The following C7 variants were observed in gnomAD, a reference collection of about 807,000 sequenced individuals.
C7 encodes complement component C7.
A neutral mutation model predicts 104.8 loss-of-function variants in C7; 83 were observed. That is an observed-to-expected ratio of 0.79 (90% CI 0.66 to 0.95). C7 has a LOEUF of 0.95. C7 is among the 40% of genes least tolerant of loss of function. The pLI is 0.00. For missense variants in C7, 1,070 were observed against 1,011.2 expected (o/e 1.06, Z -0.79); for synonymous variants, 415 against 360.6 (o/e 1.15, Z -1.71).
intron 15 of C7, among the ~76,000 whole-genome samples, chr5:40,974,396 T>C (rs1740768676): frequency 6.7e-6 from 1 of 149,692 alleles, no homozygotes; most frequent in African/African-American, 2.5e-5. Flanking sequence ...CGTTTTTTTT[T>C]TTTTCCACAA....
chr5:40,957,772 T>TTG (rs1011671905), intron 10 of C7, among the ~76,000 whole-genome samples: 4 of 106,790 alleles, frequency 3.7e-5, no homozygotes, highest in Admixed American at 1.0e-4. Flanking sequence ...TTTTTTGTTT[T>TTG]TTTTTTTTTT....
intron 4 of C7, 65 bp from the exon 5 acceptor site, chr5:40,936,273 G>A: frequency 6.7e-7 from 1 of 1,495,542 alleles, no homozygotes; most frequent in Non-Finnish European, 9.2e-7. Flanking sequence ...AACCCTTTTT[G>A]GTCCTGGGTA....
chr5:40,932,397 A>G (rs182585234), intron 3 of C7, among the ~76,000 whole-genome samples: 1 of 152,300 alleles, frequency 6.6e-6, no homozygotes, highest in Admixed American at 6.5e-5. Context: ...ATAGTCCTAG[A>G]AATAAAATGT....
At position 40,983,254 on chromosome 5, in the gene C7, T is replaced by C. The variant is rs1740988055; in HGVS notation, c.*1681T>C. On this transcript the variant is annotated 3_prime_UTR_variant, in exon 18 of 18. Coordinates refer to ENST00000313164, the MANE Select transcript of C7 (RefSeq NM_000587.4). ...TGAGACAAAAGGTTGAACAAGTAAT[T>C]CATTTGGAAGGAAATACCTCAGTAT... is the stretch of plus-strand genomic sequence containing the variant. Among the ~76,000 whole-genome samples the C allele has an allele frequency of 6.6e-6, 1 of 152,218 alleles. No individual in the cohort carries two copies. The highest frequency in any genetic ancestry group is 6.5e-5 in the Admixed American group (1 of 15,280).
intron 14 of C7, among the ~76,000 whole-genome samples, chr5:40,971,068 TAGA>T: frequency 6.6e-6 from 1 of 152,184 alleles, no homozygotes; most frequent in South Asian, 2.1e-4. Flanking sequence ...GTCTTTACAG[TAGA>T]ATGATTTATA....
chr5:40,930,503 G>A (rs1454893709), intron 2 of C7, among the ~76,000 whole-genome samples: 1 of 150,998 alleles, frequency 6.6e-6, no homozygotes, highest in Non-Finnish European at 1.5e-5. Flanking sequence ...ACCATACCCG[G>A]CCAATGACCT....
At position 40,945,238 on chromosome 5, in the gene C7, G is replaced by A; in HGVS notation, c.608G>A (p.Ser203Asn). 1.9e-6 allele frequency: 3 copies of A among 1,547,326 alleles called. No individual in the cohort carries two copies. Among genetic ancestry groups the A allele is most frequent in the Non-Finnish European group, 2.6e-6 (3 of 1,142,058 alleles). ...NNDFNYEFYN[S>N]TWSYVKHTST... ...GATTTTAATTATGAATTTTACAATA[G>A]TACTTGGTCTTATGTAAAACATACG... Residue 203 changes from serine to asparagine, a missense_variant, in exon 7 of 18, where the codon AGT becomes AAT. Coordinates refer to ENST00000313164, the MANE Select transcript of C7 (RefSeq NM_000587.4).
At chr5:40,977,767 G>A (rs1078376) in intron 16 of C7, among the ~76,000 whole-genome samples, 16,292 of 152,196 alleles carry the variant, frequency 0.11, 1,147 homozygotes, top group Non-Finnish European at 0.16. Flanking sequence ...AGGTGGAGAA[G>A]AGTGGAAAGT....
chr5:40,975,723 T>C (rs955848681), intron 15 of C7, among the ~76,000 whole-genome samples: 40 of 152,214 alleles, frequency 2.6e-4, no homozygotes, highest in Non-Finnish European at 5.4e-4. Flanking sequence ...GCAGGCATAC[T>C]TCACATTGCC....
intron 15 of C7, among the ~76,000 whole-genome samples, chr5:40,975,187 T>A (rs563130751): frequency 2.0e-5 from 3 of 152,238 alleles, no homozygotes; most frequent in African/African-American, 7.2e-5. Context: ...AATATTAACA[T>A]CTTACATAAC....
Position 40,949,887 on chromosome 5 carries a change from T to C in C7, c.983-17T>C. On this transcript the variant is annotated splice_polypyrimidine_tract_variant and intron_variant, in intron 8 of 17. Coordinates refer to ENST00000313164, the MANE Select transcript of C7 (RefSeq NM_000587.4). The stretch of plus-strand genomic sequence containing the variant: ...ATGCAGAAATTAAACATGTCTCTTT[T>C]ACATTTTCTCCCCTAGATTTTAATT... 2.1e-6 allele frequency: 3 copies of C among 1,448,474 alleles called. No individual in the cohort carries two copies. The highest frequency in any genetic ancestry group is 2.4e-5 in the East Asian group (1 of 42,386). 89.7% of individuals were successfully genotyped at this position (1,448,474 alleles called of 1,614,324 possible). A position where few individuals can be genotyped will look rare whatever the true frequency, so the allele number is the denominator to read the frequency against.
chr5:40,958,326 G>GCTCCTTGA (rs1430291049), intron 11 of C7, 65 bp downstream of exon 11: 1 of 977,524 alleles, frequency 1.0e-6, no homozygotes. Context: ...CTGTTTCTCT[G>GCTCCTTGA]CTCCTTGAGA....
At chr5:40,965,648 A>ATATATTTTTTT (rs35802990) in intron 14 of C7, among the ~76,000 whole-genome samples, 8 of 130,310 alleles carry the variant, frequency 6.1e-5, no homozygotes, top group South Asian at 2.3e-4. Context: ...ATATATATAT[A>ATATATTTTTTT]TTTTTTTTTT....
At chr5:40,945,623 C>T (rs1472760401) in intron 7 of C7, among the ~76,000 whole-genome samples, 1 of 151,840 alleles carries the variant, frequency 6.6e-6, no homozygotes, top group African/African-American at 2.4e-5. Flanking sequence ...CTTTGGGAGG[C>T]CAAGGTGAGT....
rs780107037 is a variant in C7 at position 40,981,505 on chromosome 5, G to C, written c.2464G>C (p.Ala822Pro). The change falls in exon 18 of 18, where the codon GCT becomes CCT. Residue 822 changes from alanine to proline, a missense_variant. Physicochemically the swap from Ala to Pro is conservative, Grantham distance 27. Transcript: ENST00000313164. The stretch of plus-strand genomic sequence containing the variant: ...GACGATGTCTGAGTGTGAGGCGGGC[G>C]CTCTGAGATGCAGAGGGCAGAGCAT... ...EQTMSECEAG[A>P]LRCRGQSISV... is the part of the protein sequence containing the mutation. 4 of 1,613,720 alleles carry C rather than the reference G, an allele frequency of 2.5e-6. No homozygotes were observed. Among genetic ancestry groups the C allele is most frequent in the South Asian group, 1.1e-5 (1 of 90,998 alleles).
intron 6 of C7, among the ~76,000 whole-genome samples, chr5:40,939,878 G>T (rs1185099469): frequency 6.6e-6 from 1 of 152,218 alleles, no homozygotes; most frequent in Non-Finnish European, 1.5e-5. Context: ...GCAGGGCTTG[G>T]TCTTTAGATT....
chr5:40,956,438 C>T (rs921810769), intron 10 of C7, among the ~76,000 whole-genome samples: 19 of 152,188 alleles, frequency 1.2e-4, no homozygotes, highest in Admixed American at 7.2e-4. Context: ...TGTGTCAACG[C>T]ACATGCGTAT....
At chr5:40,938,312 TA>T (rs998068914) in intron 6 of C7, among the ~76,000 whole-genome samples, 2 of 152,238 alleles carry the variant, frequency 1.3e-5, no homozygotes, top group African/African-American at 4.8e-5. Flanking sequence ...TCCCTAAATA[TA>T]AATTTGTGAT....
At chr5:40,930,951 G>A (rs1278291778) in intron 2 of C7, 113 bp from the exon 3 acceptor site, 18 of 755,176 alleles carry the variant, frequency 2.4e-5, no homozygotes, top group South Asian at 8.0e-5. Flanking sequence ...GTGTCTCTTC[G>A]GAAAAAATAT....
Sources: gnomAD v4.1 joint callset for allele counts (sites outside exome capture counted in the v4.1 genomes callset) on GRCh38, gnomAD v4.1.1 for gene constraint, MANE v1.5 for transcripts, NCBI Gene and HGNC (gene_info 2026-07-23, HGNC 2026-07-21) for gene names.